Variants in ALS2 observed in about 807,000 individuals in gnomAD.
ALS2 encodes the protein alsin Rho guanine nucleotide exchange factor ALS2, also known as alsin.
In ALS2, 117 loss-of-function variants were observed where a neutral mutation model predicts 203.4. The observed-to-expected ratio is 0.58, with a 90% CI of 0.50 to 0.67. ALS2 has a LOEUF of 0.67. Ranked by LOEUF, ALS2 falls within the 30% of genes least tolerant of loss-of-function variation. The pLI is 0.00. For missense variants in ALS2, 1,715 were observed against 1,989.4 expected (o/e 0.86, Z 2.62); for synonymous variants, 718 against 725.9 (o/e 0.99, Z 0.17).
chr2:201,703,271 T>C (rs1689497098), intron 33 of ALS2, among the ~76,000 whole-genome samples: 1 of 152,204 alleles, frequency 6.6e-6, no homozygotes, highest in South Asian at 2.1e-4. Context: ...AAAGCATCTA[T>C]ATAATTTGCT....
Position 201,761,596 on chromosome 2 carries a change from T to G in ALS2, c.398A>C (p.Glu133Ala). Residue 133 changes from glutamate (E) to alanine (A), a missense_variant, in exon 4 of 34, where the codon GAA becomes GCA. Transcript: ENST00000264276. ...CAVANQQYVPEPNPVSIADSE... is the reference protein window; with the variant it reads ...CAVANQQYVPAPNPVSIADSE... ...ATCAGCAATGCTGACAGGATTTGGT[T>G]CCGGCACATACTGCTGGTTGGCTAC... 1 of 1,614,220 alleles carries G rather than the reference T, an allele frequency of 6.2e-7. No homozygotes were observed. The highest frequency in any genetic ancestry group is 8.5e-7 in the Non-Finnish European group (1 of 1,180,038).
At position 201,711,235 on chromosome 2, in the gene ALS2, A is replaced by G. The variant is rs112993737; in HGVS notation, c.4005-127T>C. 11,011 of 668,428 alleles carry G rather than the reference A, an allele frequency of 0.016. 130 individuals are homozygous for G. Among genetic ancestry groups the G allele is most frequent in the Middle Eastern group, 0.027 (95 of 3,498 alleles). The allele number at this position is 668,428 out of a possible 1,614,324, so 41.4% of individuals were successfully genotyped here. A position where few individuals can be genotyped will look rare whatever the true frequency, so the allele number is the denominator to read the frequency against. On this transcript the variant is annotated intron_variant, in intron 25 of 33. Coordinates refer to ENST00000264276, the MANE Select transcript of ALS2 (RefSeq NM_020919.4). Reference sequence around the variant, plus strand: ...AGCATCCAACGTAGTACTAAACCCAACGAACTCAGAAATCATCACGATCCT... The same window carrying G: ...AGCATCCAACGTAGTACTAAACCCAGCGAACTCAGAAATCATCACGATCCT...
At chr2:201,748,634 C>A (rs1182035117) in intron 8 of ALS2, among the ~76,000 whole-genome samples, 7 of 119,600 alleles carry the variant, frequency 5.9e-5, no homozygotes, top group Non-Finnish European at 1.4e-4. Flanking sequence ...AAACAAGGAA[C>A]AATGATTTGC....
chr2:201,707,555 A>T (rs1689796729), intron 28 of ALS2, among the ~76,000 whole-genome samples: 1 of 151,704 alleles, frequency 6.6e-6, no homozygotes, highest in Non-Finnish European at 1.5e-5. Context: ...TCAGCCTCCC[A>T]CGTAGCTGAA....
chr2:201,712,760 A>G (rs1050689513), intron 25 of ALS2, among the ~76,000 whole-genome samples: 3 of 29,526 alleles, frequency 1.0e-4, no homozygotes, highest in Non-Finnish European at 1.9e-4. Context: ...AAAGAAAAAA[A>G]AAAAGAAAAG....
chr2:201,709,773 G>A, intron 27 of ALS2, 108 bp downstream of exon 27: 1 of 1,349,720 alleles, frequency 7.4e-7, no homozygotes, highest in Non-Finnish European at 1.1e-6. Context: ...ATCTATTAAA[G>A]GACTGTGGCA....
At chr2:201,756,032 A>G (rs371644458) in intron 5 of ALS2, among the ~76,000 whole-genome samples, 90 of 152,320 alleles carry the variant, frequency 5.9e-4, no homozygotes, top group African/African-American at 2.1e-3. Context: ...TGTACTCCAG[A>G]TAATTCTTAG....
At chr2:201,723,001 A>C in intron 23 of ALS2, 42 bp downstream of exon 23, 1 of 1,457,406 alleles carries the variant, frequency 6.9e-7, no homozygotes, top group Non-Finnish European at 9.4e-7. Flanking sequence ...AATTAGTAAA[A>C]GAATTTATTA....
chr2:201,726,800 G>A lies in ALS2; in HGVS notation c.3046C>T (p.Pro1016Ser), dbSNP rs41308840. 4.8e-5 allele frequency: 77 copies of A among 1,614,138 alleles called. 1 individual carries two copies. The South Asian group carries it at 7.5e-4, about 16-fold the overall frequency. Residue 1016 changes from proline to serine, a missense_variant, in exon 18 of 34, where the codon CCT becomes TCT. By Grantham distance (74) the Pro-to-Ser change is moderately conservative. Around this residue, in one of 3 missense-constraint regions of ALS2, gnomAD observed 1,227 missense variants for 1,413.5 expected, o/e 0.87. Transcript: ENST00000264276. ...QALRGMSDLP[P>S]YGSGSSVQRQ... is the part of the protein sequence containing the mutation. ...TGAACACTGCTACCACTTCCATAAG[G>A]GGGGAGATCAGACATCCCTCTCAAA...
chr2:201,729,655 C>T (rs980617363), intron 13 of ALS2, among the ~76,000 whole-genome samples: 5 of 151,840 alleles, frequency 3.3e-5, no homozygotes, highest in Admixed American at 6.6e-5. Flanking sequence ...CCGAGGCAGG[C>T]GGATCACGAG....
In ALS2 at chr2:201,757,704, G is replaced by A. The variant is rs1208452307; in HGVS notation, c.1169C>T (p.Ser390Leu). 6.2e-7 allele frequency: 1 copy of A among 1,613,628 alleles called. No individual in the cohort carries two copies. Among genetic ancestry groups the A allele is most frequent in the Non-Finnish European group, 8.5e-7 (1 of 1,180,044 alleles). The change falls in exon 5 of 34, where the codon TCA (serine) becomes TTA (leucine). Residue 390 changes from serine to leucine, a missense_variant. Ser to Leu is a moderately radical substitution (Grantham distance 145). Coordinates refer to ENST00000264276, the MANE Select transcript of ALS2 (RefSeq NM_020919.4). The part of the protein sequence containing the change: ...NLHSPPTTST[S>L]ALNSLVVSCA... ...AGAGACCACCAGGCTGTTTAGGGCTGAGGTGCTTGTGGTAGGCGGGCTGTG... is the reference window on the plus strand; with the variant it reads ...AGAGACCACCAGGCTGTTTAGGGCTAAGGTGCTTGTGGTAGGCGGGCTGTG...
At chr2:201,703,105 G>C (rs1689490056) in intron 33 of ALS2, among the ~76,000 whole-genome samples, 2 of 152,116 alleles carry the variant, frequency 1.3e-5, no homozygotes, top group Admixed American at 6.6e-5. Context: ...GACAGAGTGA[G>C]ACTCTGTCTC....
chr2:201,728,309 T>C (rs564691586), intron 15 of ALS2, among the ~76,000 whole-genome samples: 54 of 152,252 alleles, frequency 3.5e-4, no homozygotes, highest in African/African-American at 1.2e-3. Context: ...AGTGTTCTCA[T>C]TGTTCAGTTC....
intron 11 of ALS2, among the ~76,000 whole-genome samples, chr2:201,739,235 CAAAAAA>C (rs34341730): frequency 2.4e-5 from 1 of 41,080 alleles, no homozygotes. Context: ...GACTGTCTCC[CAAAAAA>C]AAAAAAAAAA....
chr2:201,732,419 A>G (rs1176228926), intron 13 of ALS2, among the ~76,000 whole-genome samples: 1 of 147,896 alleles, frequency 6.8e-6, no homozygotes, highest in Non-Finnish European at 1.5e-5. Flanking sequence ...AAAAAAAAAA[A>G]GTAGCCGGTG....
At chr2:201,726,300 GTC>G (rs1168477157) in intron 19 of ALS2, among the ~76,000 whole-genome samples, 182 bp downstream of exon 19, 1 of 152,170 alleles carries the variant, frequency 6.6e-6, no homozygotes, top group African/African-American at 2.4e-5. Flanking sequence ...AAATGACCCA[GTC>G]TAGGTAAATC....
At position 201,705,481 on chromosome 2, in the gene ALS2, T is replaced by G; in HGVS notation, c.4581-20A>C. The G allele has an allele frequency of 6.3e-7, 1 of 1,595,404 alleles. No individual in the cohort carries two copies. Among genetic ancestry groups the G allele is most frequent in the Non-Finnish European group, 8.6e-7 (1 of 1,163,392 alleles). ...AATTTCCTATAATGGAATCCATAAATTATTAATATAAGTTGTTACTTATGG... is the reference window on the plus strand; with the variant it reads ...AATTTCCTATAATGGAATCCATAAAGTATTAATATAAGTTGTTACTTATGG... On this transcript the variant is annotated intron_variant, in intron 29 of 33. Transcript: ENST00000264276.
intron 2 of ALS2, among the ~76,000 whole-genome samples, chr2:201,767,867 A>T (rs1694180890): frequency 4.7e-4 from 3 of 6,392 alleles, no homozygotes; most frequent in Non-Finnish European, 7.4e-4. Context: ...GACTCTGTCT[A>T]AAAAAAAAAA....
chr2:201,724,787 C>T (rs1353770858), intron 20 of ALS2, among the ~76,000 whole-genome samples: 3 of 151,998 alleles, frequency 2.0e-5, no homozygotes, highest in African/African-American at 7.3e-5. Context: ...ATAGATAAGA[C>T]CATTTTTTCA....
Sources: gnomAD v4.1 joint callset for allele counts (sites outside exome capture counted in the v4.1 genomes callset) on GRCh38, gnomAD v4.1.1 for gene constraint, gnomAD v4.1.1 regional missense constraint, MANE v1.5 for transcripts, NCBI Gene and HGNC (gene_info 2026-07-23, HGNC 2026-07-21) for gene names.